PCBP3: variants seen among roughly 807,000 people sequenced by gnomAD.
PCBP3 encodes poly(rC) binding protein 3.
In PCBP3, 25 loss-of-function variants were observed where a neutral mutation model predicts 52.7. That is an observed-to-expected ratio of 0.47 (90% CI 0.35 to 0.66). PCBP3 has a LOEUF of 0.66. Among genes scored for constraint, PCBP3 ranks in the 30% least tolerant of loss-of-function variants. PCBP3 has a pLI of 0.01. For synonymous variants in PCBP3, 162 were observed against 183.0 expected, an observed-to-expected ratio of 0.89 and a Z score of 0.93; for missense variants, 391 against 490.3, an observed-to-expected ratio of 0.80 and a Z score of 1.91.
At chr21:45,693,129 T>G (rs1307588780) in intron 2 of PCBP3, among the ~76,000 whole-genome samples, 1 of 152,078 alleles carries the variant, frequency 6.6e-6, no homozygotes, top group Non-Finnish European at 1.5e-5. Context: ...CATACAATAA[T>G]TTCGTCAACC....
At position 45,837,880 on chromosome 21, in the gene PCBP3, T is replaced by C. The variant is rs116391878; in HGVS notation, c.-125-12081T>C. Among the ~76,000 whole-genome samples the C allele has an allele frequency of 5.0e-3, 764 of 152,310 alleles. 3 individuals carry two copies. The highest frequency in any genetic ancestry group is 0.017 in the African/African-American group (716 of 41,554). ...CCTTGCAGCTTGCTGTCAATATTCATTGATGGTCATTGCCTGGATGCAGTA... is the reference window on the plus strand; with the variant it reads ...CCTTGCAGCTTGCTGTCAATATTCACTGATGGTCATTGCCTGGATGCAGTA... On this transcript the variant is annotated intron_variant, in intron 4 of 17. Coordinates refer to ENST00000681687, the MANE Select transcript of PCBP3 (RefSeq NM_001384156.1). This position sits in a 1 kb window ranked among gnomAD's most constrained non-coding sequence, Gnocchi z 4.1.
intron 2 of PCBP3, among the ~76,000 whole-genome samples, chr21:45,719,561 C>A (rs1397471166): frequency 6.6e-6 from 1 of 151,984 alleles, no homozygotes; most frequent in Admixed American, 6.6e-5. Context: ...GTGATTTTCC[C>A]CATGCTGTTC....
chr21:45,740,510 A>G (rs533126726), intron 3 of PCBP3, among the ~76,000 whole-genome samples: 9 of 152,240 alleles, frequency 5.9e-5, no homozygotes, highest in Non-Finnish European at 8.8e-5. Flanking sequence ...AAATTGAGAA[A>G]GAAGATGACA....
rs906869204 is a variant in PCBP3, at chr21:45,684,314, G to A, written c.-200+15362G>A. On this transcript the variant is annotated intron_variant, in intron 2 of 17. Coordinates refer to ENST00000681687, the MANE Select transcript of PCBP3 (RefSeq NM_001384156.1). ...AGGGTATTAAGTATGAAATTTATGC[G>A]GTTCTGATGGTGCCATTGGTAAGGA... is the stretch of plus-strand genomic sequence containing the variant. Among the ~76,000 whole-genome samples the A allele has an allele frequency of 5.3e-5, 8 of 152,126 alleles. No homozygotes were observed. The East Asian group carries it at 5.8e-4, about 11-fold the overall frequency.
At chr21:45,869,044 T>C (rs2094886099) in intron 5 of PCBP3, among the ~76,000 whole-genome samples, 1 of 152,238 alleles carries the variant, frequency 6.6e-6, no homozygotes, top group African/African-American at 2.4e-5. Flanking sequence ...GTTGTGTTTA[T>C]GAATAAAGGT....
intron 4 of PCBP3, among the ~76,000 whole-genome samples, chr21:45,823,747 A>T (rs1370025598): frequency 4.7e-5 from 7 of 150,232 alleles, no homozygotes; most frequent in African/African-American, 1.5e-4. Flanking sequence ...TTTAATTTTT[A>T]TTTATTTATT....
intron 2 of PCBP3, among the ~76,000 whole-genome samples, chr21:45,728,412 C>T (rs1409061458): frequency 6.6e-6 from 1 of 152,184 alleles, no homozygotes; most frequent in South Asian, 2.1e-4. Context: ...AATAGTAAGC[C>T]AGTTGCATTT....
chr21:45,694,049 A>T (rs571461324), intron 2 of PCBP3, among the ~76,000 whole-genome samples: 59 of 152,268 alleles, frequency 3.9e-4, no homozygotes, highest in African/African-American at 1.3e-3. Context: ...CTCTTAGATA[A>T]CTACGAAAAT....
chr21:45,769,364 G>A (rs758881045), intron 4 of PCBP3, among the ~76,000 whole-genome samples: 1 of 152,242 alleles, frequency 6.6e-6, no homozygotes, highest in Non-Finnish European at 1.5e-5. Flanking sequence ...GAGTGCAGGT[G>A]ACAGTGCGTG....
At chr21:45,834,444 C>T (rs182594203) in intron 4 of PCBP3, among the ~76,000 whole-genome samples, 23 of 152,326 alleles carry the variant, frequency 1.5e-4, no homozygotes, top group Non-Finnish European at 2.6e-4. Flanking sequence ...CTAGGGGTGG[C>T]GTCCCCATGC....
chr21:45,755,251 A>G (rs945967613), intron 3 of PCBP3, among the ~76,000 whole-genome samples, 166 bp from the exon 4 acceptor site: 2 of 152,348 alleles, frequency 1.3e-5, no homozygotes, highest in African/African-American at 4.8e-5. Context: ...TCTGAGATGC[A>G]TTCATATTGT....
rs975616406 is a variant in PCBP3 at position 45,928,069 on chromosome 21, G to A, written c.718-1848G>A. ...CTCCTACCCGGCCTGGGACACTTGC[G>A]GTCTTTCCTGACGTGCCCCGTCCAG... is the stretch of plus-strand genomic sequence containing the variant. On this transcript the variant is annotated intron_variant, in intron 13 of 17. Coordinates refer to ENST00000681687, the MANE Select transcript of PCBP3 (RefSeq NM_001384156.1). The surrounding 1 kb of genome is among the most constrained non-coding windows in gnomAD (Gnocchi z 4.1). Among the ~76,000 whole-genome samples the A allele has an allele frequency of 6.6e-6, 1 of 152,212 alleles. No homozygotes were observed. Among genetic ancestry groups the A allele is most frequent in the Non-Finnish European group, 1.5e-5 (1 of 68,022 alleles).
rs1361622754 is a variant in PCBP3 at position 45,817,759 on chromosome 21, A to G, written c.-125-32202A>G. Among the ~76,000 whole-genome samples, 1 of 152,240 alleles carries G rather than the reference A, an allele frequency of 6.6e-6. No homozygotes were observed. Among genetic ancestry groups the G allele is most frequent in the Non-Finnish European group, 1.5e-5 (1 of 68,040 alleles). On this transcript the variant is annotated intron_variant, in intron 4 of 17. Coordinates refer to ENST00000681687, the MANE Select transcript of PCBP3 (RefSeq NM_001384156.1). The surrounding 1 kb of genome is among the most constrained non-coding windows in gnomAD (Gnocchi z 4.3). ...TTCTTAAGGTTTTTACTGTGGGATC[A>G]TAAGTCCTTACTCCTTCATGGTTGG...
rs142847879 is a variant in PCBP3 at position 45,743,852 on chromosome 21, A to G, written c.-162+8423A>G. On this transcript the variant is annotated intron_variant, in intron 3 of 17. Transcript: ENST00000681687. ...TTTGAGAATTGTCCCATGTTTTTCT[A>G]TCCTTTAAATAACAAATTTTTCTGT... is the stretch of plus-strand genomic sequence containing the variant. Among the ~76,000 whole-genome samples, 81 of 152,070 alleles carry G rather than the reference A, an allele frequency of 5.3e-4. No homozygotes were observed. The East Asian group carries it at 0.015, about 28-fold the overall frequency.
In PCBP3 at chr21:45,890,754, A is replaced by G. The variant is rs528079720; in HGVS notation, c.11-5454A>G. On this transcript the variant is annotated intron_variant, in intron 5 of 17. Coordinates refer to ENST00000681687, the MANE Select transcript of PCBP3 (RefSeq NM_001384156.1). ...GGGAAGGTAGATAATAGAACCTGGA[A>G]CTCTGTGCATTACTGATGGGAATGT... Among the ~76,000 whole-genome samples, 13 of 150,508 alleles carry G rather than the reference A, an allele frequency of 8.6e-5. No individual in the cohort carries two copies. In the South Asian group the frequency reaches 2.8e-3, roughly 32 times the overall value.
intron 4 of PCBP3, among the ~76,000 whole-genome samples, chr21:45,839,107 T>G (rs1287324795): frequency 6.6e-6 from 1 of 152,204 alleles, no homozygotes; most frequent in African/African-American, 2.4e-5. Context: ...TCTTTTCACT[T>G]TTAGGAAGGT....
chr21:45,658,808 C>A (rs1178602747), intron 1 of PCBP3, among the ~76,000 whole-genome samples: 1 of 151,658 alleles, frequency 6.6e-6, no homozygotes, highest in African/African-American at 2.4e-5. Flanking sequence ...CTAATTTTTC[C>A]TTGTGGGAAA....
At chr21:45,815,641 A>AGTGAGTG (rs1215460356) in intron 4 of PCBP3, among the ~76,000 whole-genome samples, 572 of 24,820 alleles carry the variant, frequency 0.023, 97 homozygotes, top group African/African-American at 0.039. Context: ...GTGAGTGGTG[A>AGTGAGTG]GTGAGTGGTG....
chr21:45,857,948 GC>G (rs908705945), intron 5 of PCBP3, among the ~76,000 whole-genome samples: 11 of 152,264 alleles, frequency 7.2e-5, no homozygotes, highest in African/African-American at 2.4e-4. Context: ...CTCGCAGAGG[GC>G]AGGGGTGTTG....
Sources: gnomAD v4.1 joint callset for allele counts (sites outside exome capture counted in the v4.1 genomes callset) on GRCh38, gnomAD v4.1.1 for gene constraint, Gnocchi (gnomAD v3.1) non-coding constraint, MANE v1.5 for transcripts, NCBI Gene and HGNC (gene_info 2026-07-23, HGNC 2026-07-21) for gene names.